LHFPL6: variants seen among roughly 807,000 people sequenced by gnomAD.
LHFPL6 encodes LHFPL tetraspan subfamily member 6.
Under a neutral mutation model 20.6 loss-of-function variants are expected in LHFPL6, and 9 were observed. The ratio of observed to expected loss-of-function variants is 0.44; its 90% CI spans 0.26 to 0.76. The LOEUF (loss-of-function observed/expected upper bound fraction) is 0.76. Ranked by LOEUF, LHFPL6 falls within the 30% of genes least tolerant of loss-of-function variation. The pLI, the probability that LHFPL6 is intolerant of heterozygous loss-of-function variation, is 0.20. For synonymous variants in LHFPL6, 105 were observed against 98.7 expected, an observed-to-expected ratio of 1.06 and a Z score of -0.38; for missense variants, 218 against 253.5, an observed-to-expected ratio of 0.86 and a Z score of 0.95.
chr13:39,393,621 C>T (rs1430050374), intron 2 of LHFPL6, among the ~76,000 whole-genome samples: 1 of 152,112 alleles, frequency 6.6e-6, no homozygotes, highest in Non-Finnish European at 1.5e-5. Context: ...CAATGACCCT[C>T]GCAGAAGGTC....
intron 2 of LHFPL6, among the ~76,000 whole-genome samples, chr13:39,567,289 C>T (rs7985507): frequency 0.88 from 133,474 of 152,234 alleles, 58,738 homozygotes; most frequent in African/African-American, 0.94. Context: ...TAAAGTGACA[C>T]AGAAAGCAAT....
intron 2 of LHFPL6, among the ~76,000 whole-genome samples, chr13:39,508,172 G>A (rs1033119026): frequency 6.6e-6 from 1 of 151,804 alleles, no homozygotes; most frequent in Non-Finnish European, 1.5e-5. Flanking sequence ...TTACAGGTGT[G>A]CACAACCACG....
At chr13:39,404,175 T>C (rs1321809147) in intron 2 of LHFPL6, among the ~76,000 whole-genome samples, 1 of 152,202 alleles carries the variant, frequency 6.6e-6, no homozygotes, top group Non-Finnish European at 1.5e-5. Context: ...TTTTATAACC[T>C]AGTAGCCAGG....
In LHFPL6 at chr13:39,357,849, CACAA is replaced by C. The variant is rs367911116; in HGVS notation, c.485-13799_485-13796del. 1.0e-3 allele frequency among the ~76,000 whole-genome samples: 158 copies of C among 152,204 alleles called. No individual in the cohort carries two copies. In the East Asian group the frequency reaches 0.021, roughly 20 times the overall value. On this transcript the variant is annotated intron_variant, in intron 3 of 3. Coordinates refer to ENST00000379589, the MANE Select transcript of LHFPL6 (RefSeq NM_005780.3). ...TACTGTTGAAAGAAATCATCGATGA[CACAA>C]ACAAACGGAAAAACATTCCATGCTC...
intron 2 of LHFPL6, among the ~76,000 whole-genome samples, chr13:39,598,005 G>T (rs2138554982): frequency 6.6e-6 from 1 of 152,336 alleles, no homozygotes; most frequent in Non-Finnish European, 1.5e-5. Context: ...TGTTTTTGGA[G>T]CAGCCTAACT....
intron 2 of LHFPL6, among the ~76,000 whole-genome samples, chr13:39,460,990 C>T (rs748668626): frequency 6.6e-6 from 1 of 152,110 alleles, no homozygotes; most frequent in Non-Finnish European, 1.5e-5. Context: ...CTCCTACTAC[C>T]CTCCACCCTC....
chr13:39,387,641 A>T (rs1379451313), intron 2 of LHFPL6, among the ~76,000 whole-genome samples: 1 of 152,040 alleles, frequency 6.6e-6, no homozygotes. Context: ...TATGCTCATA[A>T]ATCTACTCAA....
chr13:39,420,964 C>A (rs746288764), intron 2 of LHFPL6, among the ~76,000 whole-genome samples: 1 of 150,976 alleles, frequency 6.6e-6, no homozygotes, highest in African/African-American at 2.4e-5. Context: ...CTGTGTTTTT[C>A]CCCCCCCTCA....
rs1566142118 is a variant in LHFPL6, at chr13:39,562,529, C to CATATACATATAT, written c.385+38302_385+38303insATATATGTATAT. On this transcript the variant is annotated intron_variant, in intron 2 of 3. Transcript: ENST00000379589. ...ACATATATACATATATACACATATA[C>CATATACATATAT]ACATATATACACATATACATATATA... Among the ~76,000 whole-genome samples the CATATACATATAT allele has an allele frequency of 1.7e-3, 195 of 116,074 alleles. 1 individual carries two copies. The highest frequency in any genetic ancestry group is 2.8e-3 in the East Asian group (10 of 3,608). 76.1% of individuals were successfully genotyped at this position (116,074 alleles called of 152,430 possible). A position where few individuals can be genotyped will look rare whatever the true frequency, so the allele number is the denominator to read the frequency against.
intron 2 of LHFPL6, among the ~76,000 whole-genome samples, chr13:39,446,650 G>T (rs1872299749): frequency 6.6e-6 from 1 of 151,132 alleles, no homozygotes; most frequent in Non-Finnish European, 1.5e-5. Flanking sequence ...TCTTCATTCT[G>T]TAGCTAGAGA....
intron 3 of LHFPL6, among the ~76,000 whole-genome samples, chr13:39,352,950 T>C (rs11618438): frequency 0.021 from 2,181 of 103,280 alleles, 176 homozygotes; most frequent in East Asian, 0.067. Context: ...TGTATATATA[T>C]ATACATACAT....
At chr13:39,412,019 T>C (rs1171292007) in intron 2 of LHFPL6, among the ~76,000 whole-genome samples, 1 of 152,222 alleles carries the variant, frequency 6.6e-6, no homozygotes, top group Non-Finnish European at 1.5e-5. Flanking sequence ...GGGGATGGTA[T>C]ACCTATCAAT....
intron 2 of LHFPL6, among the ~76,000 whole-genome samples, chr13:39,584,211 A>T (rs1049116095): frequency 6.6e-6 from 1 of 152,150 alleles, no homozygotes; most frequent in East Asian, 1.9e-4. Context: ...GCAGAGCCTG[A>T]CACCTAAAAT....
intron 2 of LHFPL6, among the ~76,000 whole-genome samples, chr13:39,418,989 G>A (rs1177894152): frequency 6.6e-6 from 1 of 152,028 alleles, no homozygotes; most frequent in African/African-American, 2.4e-5. Context: ...TTCCTTAAAC[G>A]TTTCAGTAAT....
At chr13:39,599,299 A>G (rs1872858640) in intron 2 of LHFPL6, among the ~76,000 whole-genome samples, 1 of 152,244 alleles carries the variant, frequency 6.6e-6, no homozygotes, top group Admixed American at 6.5e-5. Context: ...CAGCAGACCA[A>G]CTTTATTCTT....
At chr13:39,395,940 C>T (rs1242700665) in intron 2 of LHFPL6, among the ~76,000 whole-genome samples, 1 of 152,208 alleles carries the variant, frequency 6.6e-6, no homozygotes, top group Non-Finnish European at 1.5e-5. Flanking sequence ...TTAAAACCAA[C>T]AAAGGAAATG....
chr13:39,359,677 T>C (rs1002809483), intron 3 of LHFPL6, among the ~76,000 whole-genome samples: 1 of 152,156 alleles, frequency 6.6e-6, no homozygotes, highest in Non-Finnish European at 1.5e-5. Context: ...TTGGGTGCTA[T>C]GCTCACTTCT....
chr13:39,393,570 G>A (rs1416949883), intron 2 of LHFPL6, among the ~76,000 whole-genome samples: 1 of 152,142 alleles, frequency 6.6e-6, no homozygotes, highest in African/African-American at 2.4e-5. Context: ...TTAGAATTCA[G>A]GGAGTAGAGG....
chr13:39,512,368 G>C lies in LHFPL6; in HGVS notation c.385+88464C>G, dbSNP rs377475978. Among the ~76,000 whole-genome samples, 550 of 152,170 alleles carry C rather than the reference G, an allele frequency of 3.6e-3. 5 individuals are homozygous for C. The highest frequency in any genetic ancestry group is 9.2e-3 in the African/African-American group (384 of 41,536). ...CTGTAATCCCAGCACTTTGGGAGGCGGAGGCGTGTGGATCACGAGGTCAGG... is the reference window on the plus strand; with the variant it reads ...CTGTAATCCCAGCACTTTGGGAGGCCGAGGCGTGTGGATCACGAGGTCAGG... On this transcript the variant is annotated intron_variant, in intron 2 of 3. Transcript: ENST00000379589.
Sources: gnomAD v4.1 joint callset for allele counts (sites outside exome capture counted in the v4.1 genomes callset) on GRCh38, gnomAD v4.1.1 for gene constraint, MANE v1.5 for transcripts, NCBI Gene and HGNC (gene_info 2026-07-23, HGNC 2026-07-21) for gene names.